KRTAP21-2: variants seen among roughly 807,000 people sequenced by gnomAD.
The protein encoded by KRTAP21-2 is keratin associated protein 21-2, also known as keratin-associated protein 21-2.
For missense variants in KRTAP21-2, 103 were observed against 101.2 expected, an observed-to-expected ratio of 1.02 and a Z score of -0.08; for synonymous variants, 38 against 38.6, an observed-to-expected ratio of 0.98 and a Z score of 0.06.
chr21:30,747,051 C>CAGCCAT lies in KRTAP21-2; in HGVS notation c.146_151dup (p.Tyr49_Gly50dup). The CAGCCAT allele has an allele frequency of 6.2e-7, 1 of 1,613,784 alleles. No individual in the cohort carries two copies. Among genetic ancestry groups the CAGCCAT allele is most frequent in the Non-Finnish European group, 8.5e-7 (1 of 1,179,904 alleles). ...ATATCCACAGCCAGAGCCGTATCCA[C>CAGCCAT]AGCCATAGCCACAGCCAGTTCCATA... On this transcript the variant is annotated inframe_insertion, in exon 1 of 1. Transcript: ENST00000333892.
At position 30,746,946 on chromosome 21, in the gene KRTAP21-2, G is replaced by C. The variant is rs1012872339; in HGVS notation, c.*5C>G. The C allele has an allele frequency of 5.6e-6, 9 of 1,610,884 alleles. No individual in the cohort carries two copies. Among genetic ancestry groups the C allele is most frequent in the Non-Finnish European group, 8.5e-7 (1 of 1,177,644 alleles). ...TGCAAAGCCAAGGATGACCTGTAGT[G>C]ATGATTAGTAGCAAGAGGAATAGCA... is the stretch of plus-strand genomic sequence containing the variant. On this transcript the variant is annotated 3_prime_UTR_variant, in exon 1 of 1. Coordinates refer to ENST00000333892, the MANE Select transcript of KRTAP21-2 (RefSeq NM_181617.3).
chr21:30,747,117 T>G lies in KRTAP21-2; in HGVS notation c.86A>C (p.Tyr29Ser). The change falls in exon 1 of 1, where the codon TAT becomes TCT. Residue 29 changes from tyrosine (Y) to serine (S), a missense_variant. By Grantham distance (144) the Tyr-to-Ser change is moderately radical. Coordinates refer to ENST00000333892, the MANE Select transcript of KRTAP21-2 (RefSeq NM_181617.3). ...WSSGCGYGCG[Y>S]GCGYGSGCRY... is the part of the protein sequence containing the mutation. ...ACAGCCAGAGCCGTATCCACAGCCA[T>G]AGCCACAACCATATCCACAGCCGGA... The G allele has an allele frequency of 1.2e-6, 2 of 1,613,602 alleles. No individual in the cohort carries two copies. Among genetic ancestry groups the G allele is most frequent in the South Asian group, 1.1e-5 (1 of 91,060 alleles).
Position 30,747,107 on chromosome 21 carries a change from T to C in KRTAP21-2, c.96A>G (p.Gly32=). The stretch of plus-strand genomic sequence containing the variant: ...AGCCATATCTACAGCCAGAGCCGTA[T>C]CCACAGCCATAGCCACAACCATATC... ...GCGYGCGYGC[G]YGSGCRYGSG... Residue 32 remains glycine, a synonymous_variant, in exon 1 of 1, where the codon GGA becomes GGG. Transcript: ENST00000333892. 4 of 1,613,752 alleles carry C rather than the reference T, an allele frequency of 2.5e-6. No individual in the cohort carries two copies. Among genetic ancestry groups the C allele is most frequent in the Non-Finnish European group, 3.4e-6 (4 of 1,179,928 alleles).
In KRTAP21-2 at chr21:30,746,995, A is replaced by G. The variant is rs1443847783; in HGVS notation, c.208T>C (p.Tyr70His). The stretch of plus-strand genomic sequence containing the variant: ...CATCTTCTGTAGCAAAGTGGTCGGT[A>G]GCCACAGCAGCTAGAGCTGTATCCA... Reference protein sequence around the residue: ...GCGYSSSCCGYRPLCYRRCYS... With the variant: ...GCGYSSSCCGHRPLCYRRCYS... The change falls in exon 1 of 1, where the codon TAC (tyrosine) becomes CAC (histidine). Residue 70 changes from tyrosine to histidine, a missense_variant. Transcript: ENST00000333892. The G allele has an allele frequency of 2.5e-6, 4 of 1,613,192 alleles. No individual in the cohort carries two copies. The highest frequency in any genetic ancestry group is 3.4e-6 in the Non-Finnish European group (4 of 1,179,908).
Position 30,747,097 on chromosome 21 carries a change from C to A in KRTAP21-2, c.106G>T (p.Gly36Cys). Residue 36 changes from glycine to cysteine, a missense_variant, in exon 1 of 1, where the codon GGC becomes TGC. Gly to Cys is a radical substitution (Grantham distance 159, BLOSUM62 -3). Transcript: ENST00000333892. ...CCATAGCCAGAGCCATATCTACAGCCAGAGCCGTATCCACAGCCATAGCCA... is the reference window on the plus strand; with the variant it reads ...CCATAGCCAGAGCCATATCTACAGCAAGAGCCGTATCCACAGCCATAGCCA... Reference protein sequence around the residue: ...GCGYGCGYGSGCRYGSGYGTG... With the variant: ...GCGYGCGYGSCCRYGSGYGTG... 6.2e-7 allele frequency: 1 copy of A among 1,613,894 alleles called. No individual in the cohort carries two copies. Among genetic ancestry groups the A allele is most frequent in the Non-Finnish European group, 8.5e-7 (1 of 1,179,924 alleles).
chr21:30,746,885 G>A lies in KRTAP21-2; in HGVS notation c.*66C>T. ...CTTAGATGTGAAGATAATGGGTAGGGGAGATTTCAATTGAACTTGATCTTG... is the reference window on the plus strand; with the variant it reads ...CTTAGATGTGAAGATAATGGGTAGGAGAGATTTCAATTGAACTTGATCTTG... On this transcript the variant is annotated 3_prime_UTR_variant, in exon 1 of 1. Transcript: ENST00000333892. The A allele has an allele frequency of 2.6e-6, 4 of 1,539,682 alleles. No homozygotes were observed. The South Asian group carries it at 3.7e-5, about 14-fold the overall frequency.
chr21:30,747,225 G>T lies in KRTAP21-2; in HGVS notation c.-23C>A, dbSNP rs751786080. 1.2e-6 allele frequency: 2 copies of T among 1,607,764 alleles called. No homozygotes were observed. Among genetic ancestry groups the T allele is most frequent in the Non-Finnish European group, 8.5e-7 (1 of 1,175,416 alleles). On this transcript the variant is annotated 5_prime_UTR_variant, in exon 1 of 1. In the 5' UTR this introduces an upstream ATG that the reference lacks. Coordinates refer to ENST00000333892, the MANE Select transcript of KRTAP21-2 (RefSeq NM_181617.3). The stretch of plus-strand genomic sequence containing the variant: ...CATGATTTCAGGAGGTTAGATTTCA[G>T]TTGAGGTGTAGGAGGATATTTCTGA...
At position 30,747,055 on chromosome 21, in the gene KRTAP21-2, C is replaced by T; in HGVS notation, c.148G>A (p.Gly50Ser). 6.2e-7 allele frequency: 1 copy of T among 1,613,960 alleles called. No homozygotes were observed. Among genetic ancestry groups the T allele is most frequent in the South Asian group, 1.1e-5 (1 of 91,080 alleles). Residue 50 changes from glycine (G) to serine (S), a missense_variant, in exon 1 of 1, where the codon GGC becomes AGC. Coordinates refer to ENST00000333892, the MANE Select transcript of KRTAP21-2 (RefSeq NM_181617.3). ...GSGYGTGCGY[G>S]CGYGSGCGYG... The stretch of plus-strand genomic sequence containing the variant: ...CCACAGCCAGAGCCGTATCCACAGC[C>T]ATAGCCACAGCCAGTTCCATAGCCA...
chr21:30,746,803 T>C lies in KRTAP21-2; in HGVS notation c.*148A>G. 1 of 842,594 alleles carries C rather than the reference T, an allele frequency of 1.2e-6. No homozygotes were observed. The highest frequency in any genetic ancestry group is 2.4e-5 in the Admixed American group (1 of 42,394). The allele number at this position is 842,594 out of a possible 1,614,324, so 52.2% of individuals were successfully genotyped here. A position where few individuals can be genotyped will look rare whatever the true frequency, so the allele number is the denominator to read the frequency against. ...ATGAAACTACTCAGTCTCCATCCACTGCCAACAGCTTCTCTTATATGCATT... is the reference window on the plus strand; with the variant it reads ...ATGAAACTACTCAGTCTCCATCCACCGCCAACAGCTTCTCTTATATGCATT... On this transcript the variant is annotated 3_prime_UTR_variant, in exon 1 of 1. Transcript: ENST00000333892.
In KRTAP21-2 at chr21:30,746,887, A is replaced by G. The variant is rs1983624746; in HGVS notation, c.*64T>C. On this transcript the variant is annotated 3_prime_UTR_variant, in exon 1 of 1. Transcript: ENST00000333892. Reference sequence around the variant, plus strand: ...TAGATGTGAAGATAATGGGTAGGGGAGATTTCAATTGAACTTGATCTTGGA... The same window carrying G: ...TAGATGTGAAGATAATGGGTAGGGGGGATTTCAATTGAACTTGATCTTGGA... The G allele has an allele frequency of 6.5e-7, 1 of 1,543,154 alleles. No homozygotes were observed. Among genetic ancestry groups the G allele is most frequent in the African/African-American group, 1.4e-5 (1 of 73,754 alleles).
rs1385749195 is a variant in KRTAP21-2, at chr21:30,747,066, C to T, written c.137G>A (p.Gly46Asp). The T allele has an allele frequency of 1.2e-6, 2 of 1,613,982 alleles. No homozygotes were observed. Among genetic ancestry groups the T allele is most frequent in the Non-Finnish European group, 1.7e-6 (2 of 1,179,962 alleles). ...GCCGTATCCACAGCCATAGCCACAG[C>T]CAGTTCCATAGCCAGAGCCATATCT... Reference protein sequence around the residue: ...GCRYGSGYGTGCGYGCGYGSG... With the variant: ...GCRYGSGYGTDCGYGCGYGSG... Residue 46 changes from glycine to aspartate, a missense_variant, in exon 1 of 1, where the codon GGC becomes GAC. Gly to Asp is a moderately conservative substitution (Grantham distance 94, BLOSUM62 -1). Transcript: ENST00000333892.
chr21:30,747,253 T>A lies in KRTAP21-2; in HGVS notation c.-51A>T, dbSNP rs777546555. The A allele has an allele frequency of 1.9e-6, 3 of 1,578,086 alleles. No homozygotes were observed. The South Asian group carries it at 3.5e-5, about 18-fold the overall frequency. On this transcript the variant is annotated 5_prime_UTR_variant, in exon 1 of 1. Coordinates refer to ENST00000333892, the MANE Select transcript of KRTAP21-2 (RefSeq NM_181617.3). ...GAGGTGTAGGAGGATATTTCTGAAGTGTGACTGTCCTCTACTCTTCTAAGA... is the reference window on the plus strand; with the variant it reads ...GAGGTGTAGGAGGATATTTCTGAAGAGTGACTGTCCTCTACTCTTCTAAGA...
In KRTAP21-2 at chr21:30,747,140, G is replaced by A. The variant is rs781308785; in HGVS notation, c.63C>T (p.Ser21=). 9.2e-5 allele frequency: 148 copies of A among 1,613,340 alleles called. No homozygotes were observed. The highest frequency in any genetic ancestry group is 5.6e-4 in the East Asian group (25 of 44,840). The change falls in exon 1 of 1, where the codon TCC becomes TCT. Residue 21 remains serine, a synonymous_variant. Transcript: ENST00000333892. ...GGCGYGSGWS[S]GCGYGCGYGC... Reference sequence around the variant, plus strand: ...CATAGCCACAACCATATCCACAGCCGGAACTCCAGCCAGAGCCATATCCAC... The same window carrying A: ...CATAGCCACAACCATATCCACAGCCAGAACTCCAGCCAGAGCCATATCCAC...
At position 30,746,926 on chromosome 21, in the gene KRTAP21-2, A is replaced by T; in HGVS notation, c.*25T>A. 6.3e-7 allele frequency: 1 copy of T among 1,595,560 alleles called. No homozygotes were observed. Among genetic ancestry groups the T allele is most frequent in the Non-Finnish European group, 8.6e-7 (1 of 1,166,872 alleles). ...CTTGATCTTGGAGAGGTCATTGCAA[A>T]GCCAAGGATGACCTGTAGTGATGAT... On this transcript the variant is annotated 3_prime_UTR_variant, in exon 1 of 1. Transcript: ENST00000333892.
At position 30,747,014 on chromosome 21, in the gene KRTAP21-2, G is replaced by GTATCCACAGCCA; in HGVS notation, c.177_188dup (p.Gly60_Tyr63dup). Reference sequence around the variant, plus strand: ...GTCGGTAGCCACAGCAGCTAGAGCTGTATCCACAGCCATATCCACAGCCAG... The same window carrying GTATCCACAGCCA: ...GTCGGTAGCCACAGCAGCTAGAGCTGTATCCACAGCCATATCCACAGCCATATCCACAGCCAG... On this transcript the variant is annotated inframe_insertion, in exon 1 of 1. Transcript: ENST00000333892. The GTATCCACAGCCA allele has an allele frequency of 1.2e-6, 2 of 1,613,428 alleles. No homozygotes were observed. Among genetic ancestry groups the GTATCCACAGCCA allele is most frequent in the Non-Finnish European group, 1.7e-6 (2 of 1,179,586 alleles).
Position 30,746,970 on chromosome 21 carries a change from C to T in KRTAP21-2, c.233G>A (p.Cys78Tyr). 2.5e-6 allele frequency: 4 copies of T among 1,613,672 alleles called. No homozygotes were observed. The highest frequency in any genetic ancestry group is 3.4e-6 in the Non-Finnish European group (4 of 1,179,756). The stretch of plus-strand genomic sequence containing the variant: ...TGATGATTAGTAGCAAGAGGAATAG[C>T]ATCTTCTGTAGCAAAGTGGTCGGTA... ...CGYRPLCYRRCYSSCY is the reference protein window; with the variant it reads ...CGYRPLCYRRYYSSCY The change falls in exon 1 of 1, where the codon TGC becomes TAC. Residue 78 changes from cysteine (C) to tyrosine (Y), a missense_variant. Transcript: ENST00000333892.
In KRTAP21-2 at chr21:30,746,829, C is replaced by G; in HGVS notation, c.*122G>C. The G allele has an allele frequency of 2.6e-6, 3 of 1,154,940 alleles. No individual in the cohort carries two copies. Among genetic ancestry groups the G allele is most frequent in the Non-Finnish European group, 3.7e-6 (3 of 815,568 alleles). 71.5% of individuals were successfully genotyped at this position (1,154,940 alleles called of 1,614,324 possible). A position where few individuals can be genotyped will look rare whatever the true frequency, so the allele number is the denominator to read the frequency against. On this transcript the variant is annotated 3_prime_UTR_variant, in exon 1 of 1. Coordinates refer to ENST00000333892, the MANE Select transcript of KRTAP21-2 (RefSeq NM_181617.3). ...GCCAACAGCTTCTCTTATATGCATT[C>G]AGATAGTCAGGTGACCATAGTCAAC... is the stretch of plus-strand genomic sequence containing the variant.
rs374570327 is a variant in KRTAP21-2, at chr21:30,746,942, T to C, written c.*9A>G. The C allele has an allele frequency of 1.9e-6, 3 of 1,610,240 alleles. No individual in the cohort carries two copies. Among genetic ancestry groups the C allele is most frequent in the African/African-American group, 1.3e-5 (1 of 74,844 alleles). On this transcript the variant is annotated 3_prime_UTR_variant, in exon 1 of 1. Transcript: ENST00000333892. ...TCATTGCAAAGCCAAGGATGACCTG[T>C]AGTGATGATTAGTAGCAAGAGGAAT...
At position 30,747,249 on chromosome 21, in the gene KRTAP21-2, G is replaced by A; in HGVS notation, c.-47C>T. Reference sequence around the variant, plus strand: ...AGTTGAGGTGTAGGAGGATATTTCTGAAGTGTGACTGTCCTCTACTCTTCT... The same window carrying A: ...AGTTGAGGTGTAGGAGGATATTTCTAAAGTGTGACTGTCCTCTACTCTTCT... On this transcript the variant is annotated 5_prime_UTR_variant, in exon 1 of 1. Transcript: ENST00000333892. 1.9e-6 allele frequency: 3 copies of A among 1,585,768 alleles called. No homozygotes were observed. The highest frequency in any genetic ancestry group is 1.7e-6 in the Non-Finnish European group (2 of 1,161,190).
Sources: gnomAD v4.1 joint callset for allele counts on GRCh38, gnomAD v4.1.1 for gene constraint, MANE v1.5 for transcripts, NCBI Gene and HGNC (gene_info 2026-07-23, HGNC 2026-07-21) for gene names.